The following GLDN variants were observed in gnomAD, a reference collection of about 807,000 sequenced individuals.
GLDN encodes the protein gliomedin.
Under a neutral mutation model 56.5 loss-of-function variants are expected in GLDN, and 47 were observed. That is an observed-to-expected ratio of 0.83 (90% CI 0.66 to 1.06). The LOEUF is 1.06. Ranked by LOEUF, GLDN falls within the 50% of genes least tolerant of loss-of-function variation. The pLI, the probability that GLDN is intolerant of heterozygous loss-of-function variation, is 0.00. For synonymous variants in GLDN, 332 were observed against 278.8 expected (o/e 1.19, Z -1.90); for missense variants, 782 against 714.3 (o/e 1.09, Z -1.08).
At chr15:51,373,491 A>G (rs1195174321) in intron 1 of GLDN, among the ~76,000 whole-genome samples, 2 of 152,244 alleles carry the variant, frequency 1.3e-5, no homozygotes, top group Admixed American at 1.3e-4. Context: ...TGTATCATTC[A>G]AGGTCAACTG....
rs752169891 is a variant in GLDN, at chr15:51,342,080, G to T, written c.363+33G>T. 5 of 1,588,308 alleles carry T rather than the reference G, an allele frequency of 3.1e-6. No individual in the cohort carries two copies. The East Asian group carries it at 6.8e-5, about 22-fold the overall frequency. On this transcript the variant is annotated intron_variant, in intron 1 of 9. Transcript: ENST00000335449. ...GGGTCTCTGTTCCCCGTGGCGCCCC[G>T]GCCAGGTGGGCGGCTGGGGGTGTGG...
intron 6 of GLDN, among the ~76,000 whole-genome samples, chr15:51,398,872 A>C (rs1020246246): frequency 9.8e-5 from 15 of 152,316 alleles, no homozygotes; most frequent in African/African-American, 3.6e-4. Context: ...CTAATTTGCC[A>C]CAGGCTCTGC....
At chr15:51,410,819 C>T (rs570866784), downstream of GLDN, among the ~76,000 whole-genome samples, 1 of 152,292 alleles carries the variant, frequency 6.6e-6, no homozygotes, top group South Asian at 2.1e-4. Flanking sequence ...GGGAGCCTTG[C>T]ATTTATATTT....
chr15:51,392,451 T>A (rs561978026), intron 4 of GLDN, among the ~76,000 whole-genome samples: 85 of 152,328 alleles, frequency 5.6e-4, no homozygotes, highest in African/African-American at 2.0e-3. Context: ...TCTAGTTGCA[T>A]GAAAACAAGC....
intron 1 of GLDN, chr15:51,351,205 C>A: frequency 7.9e-6 from 2 of 253,588 alleles, no homozygotes; most frequent in South Asian, 5.4e-5. Flanking sequence ...GAGACAGGGT[C>A]TCACTATGTT....
intron 1 of GLDN, among the ~76,000 whole-genome samples, chr15:51,346,960 G>T (rs1178357297): frequency 6.6e-6 from 1 of 152,158 alleles, no homozygotes; most frequent in Non-Finnish European, 1.5e-5. Flanking sequence ...CAGCTACTCG[G>T]GAGGCTGAGG....
chr15:51,352,734 G>C (rs925081259), intron 1 of GLDN, among the ~76,000 whole-genome samples: 1 of 152,172 alleles, frequency 6.6e-6, no homozygotes, highest in African/African-American at 2.4e-5. Context: ...GATTATAATA[G>C]TGTGAAAATT....
intron 1 of GLDN, among the ~76,000 whole-genome samples, chr15:51,352,026 T>C (rs1354310934): frequency 6.6e-5 from 10 of 152,228 alleles, no homozygotes; most frequent in Admixed American, 5.9e-4. Flanking sequence ...AGATTTATCA[T>C]ATTCTTAGTT....
downstream of GLDN, among the ~76,000 whole-genome samples, chr15:51,411,630 G>C (rs2038466003): frequency 6.6e-6 from 1 of 152,196 alleles, no homozygotes. Context: ...GTAAATAAAT[G>C]AGCATGGCTC....
intron 1 of GLDN, among the ~76,000 whole-genome samples, chr15:51,373,837 G>A (rs2037566963): frequency 6.6e-6 from 1 of 152,122 alleles, no homozygotes; most frequent in African/African-American, 2.4e-5. Flanking sequence ...ACCTTCTCAA[G>A]ACCTCCCTCA....
In GLDN at chr15:51,355,981, G is replaced by T. The variant is rs932693266; in HGVS notation, c.363+13934G>T. On this transcript the variant is annotated intron_variant, in intron 1 of 9. Transcript: ENST00000335449. ...CCAACACTTTGGGAGGCCAAGGCGG[G>T]CGGATCACGAGGTCAGAAGATCGAG... Among the ~76,000 whole-genome samples, 11 of 150,202 alleles carry T rather than the reference G, an allele frequency of 7.3e-5. No individual in the cohort carries two copies. The South Asian group carries it at 1.3e-3, about 18-fold the overall frequency.
intron 1 of GLDN, among the ~76,000 whole-genome samples, chr15:51,376,286 G>A (rs746484859): frequency 7.9e-5 from 12 of 152,212 alleles, no homozygotes; most frequent in Non-Finnish European, 1.6e-4. Context: ...ACTGAATGCT[G>A]TAGGCAACTG....
At chr15:51,408,671 C>T (rs182221249), downstream of GLDN, among the ~76,000 whole-genome samples, 25 of 152,302 alleles carry the variant, frequency 1.6e-4, no homozygotes, top group African/African-American at 5.3e-4. Context: ...TCTCCTAATG[C>T]TATCCGTCCA....
intron 4 of GLDN, among the ~76,000 whole-genome samples, chr15:51,390,591 A>C (rs530773181): frequency 9.8e-5 from 15 of 152,286 alleles, no homozygotes; most frequent in African/African-American, 3.6e-4. Context: ...TTTGTGTCTC[A>C]GGACTGGGTT....
At chr15:51,408,595 T>A (rs2038429935), downstream of GLDN, among the ~76,000 whole-genome samples, 1 of 152,192 alleles carries the variant, frequency 6.6e-6, no homozygotes, top group South Asian at 2.1e-4. Flanking sequence ...ACGTGCAGGT[T>A]ACGTATGTAT....
At chr15:51,357,691 G>A (rs962766609) in intron 1 of GLDN, among the ~76,000 whole-genome samples, 1 of 152,186 alleles carries the variant, frequency 6.6e-6, no homozygotes, top group Non-Finnish European at 1.5e-5. Flanking sequence ...CACTGACCCG[G>A]TTGAGATCAT....
Position 51,394,965 on chromosome 15 carries a change from C to T in GLDN, c.672C>T (p.Asn224=), listed in dbSNP as rs751133819. The T allele has an allele frequency of 3.7e-5, 60 of 1,601,822 alleles. No homozygotes were observed. The highest frequency in any genetic ancestry group is 4.5e-5 in the Non-Finnish European group (53 of 1,175,416). The change falls in exon 5 of 10, where the codon AAC becomes AAT. Residue 224 remains asparagine (N), a synonymous_variant. Transcript: ENST00000335449. ...GEKGDKGDVS[N]DVLLAGAKGD... ...AGGGTGACAAAGGAGATGTGTCCAACGACGTGCTCCTGGCAGGTAAGAGGG... is the reference window on the plus strand; with the variant it reads ...AGGGTGACAAAGGAGATGTGTCCAATGACGTGCTCCTGGCAGGTAAGAGGG...
At chr15:51,386,247 A>G (rs1021387425) in intron 4 of GLDN, among the ~76,000 whole-genome samples, 1 of 152,102 alleles carries the variant, frequency 6.6e-6, no homozygotes, top group Non-Finnish European at 1.5e-5. Flanking sequence ...CGAGGCCCCC[A>G]TGAGGAGTTC....
chr15:51,390,966 G>C (rs141450052), intron 4 of GLDN, among the ~76,000 whole-genome samples: 1 of 152,198 alleles, frequency 6.6e-6, no homozygotes, highest in Admixed American at 6.5e-5. Flanking sequence ...GCCACACACA[G>C]GTTCCTGATG....
Sources: allele counts gnomAD v4.1 joint callset (sites outside exome capture counted in the v4.1 genomes callset), GRCh38; gene constraint gnomAD v4.1.1; transcripts MANE v1.5; gene names NCBI Gene and HGNC (gene_info 2026-07-23, HGNC 2026-07-21).